PLA1A: variants seen among roughly 807,000 people sequenced by gnomAD.
PLA1A encodes phospholipase A1 member A, also known as phosphatidylserine-specific phospholipase A1alpha.
PLA1A carries 47 observed loss-of-function variants against 49.4 expected under a neutral mutation model. The ratio of observed to expected loss-of-function variants is 0.95; its 90% CI spans 0.75 to 1.21. The LOEUF is 1.21. Ranked by LOEUF, PLA1A falls within the 50% of genes most tolerant of loss-of-function variation. The pLI is 0.00. For synonymous variants in PLA1A, 224 were observed against 207.9 expected, an observed-to-expected ratio of 1.08 and a Z score of -0.67; for missense variants, 561 against 563.9, an observed-to-expected ratio of 0.99 and a Z score of 0.05.
intron 1 of PLA1A, chr3:119,600,266 A>G (rs2082599912): frequency 1.6e-6 from 1 of 636,314 alleles, no homozygotes; most frequent in South Asian, 1.8e-5. Flanking sequence ...TTTCATGACA[A>G]CCCCAGTCAC....
At chr3:119,623,685 G>A (rs1219935686) in intron 8 of PLA1A, among the ~76,000 whole-genome samples, 4 of 149,168 alleles carry the variant, frequency 2.7e-5, no homozygotes, top group South Asian at 2.1e-4. Context: ...GAGCAGGGCC[G>A]TTGCTGTATT....
chr3:119,619,931 G>C, intron 8 of PLA1A: 1 of 466,620 alleles, frequency 2.1e-6, no homozygotes, highest in South Asian at 1.9e-5. Context: ...TGATGTTTAG[G>C]AGTGTCCTCC....
At chr3:119,623,758 CT>C (rs2082978657) in intron 8 of PLA1A, among the ~76,000 whole-genome samples, 1 of 123,090 alleles carries the variant, frequency 8.1e-6, no homozygotes. Flanking sequence ...GAGTTTCACT[CT>C]TGTCACCCAG....
rs3054091 is a variant in PLA1A at position 119,629,498 on chromosome 3, A to ATTTTT, written c.*42_*46dup. On this transcript the variant is annotated 3_prime_UTR_variant, in exon 11 of 11. Coordinates refer to ENST00000273371, the MANE Select transcript of PLA1A (RefSeq NM_015900.4). The stretch of plus-strand genomic sequence containing the variant: ...ACCTGGGCAGGACACATCTCCCTGC[A>ATTTTT]TTTTTTTTTTTTTTTTGAGAGAGAG... 3,649 of 873,632 alleles carry ATTTTT rather than the reference A, an allele frequency of 4.2e-3. 9 individuals are homozygous for ATTTTT. Among genetic ancestry groups the ATTTTT allele is most frequent in the South Asian group, 9.6e-3 (589 of 61,108 alleles). The allele number at this position is 873,632 out of a possible 1,614,324, so 54.1% of individuals were successfully genotyped here. A position where few individuals can be genotyped will look rare whatever the true frequency, so the allele number is the denominator to read the frequency against.
At chr3:119,622,913 G>A (rs894855587) in intron 8 of PLA1A, among the ~76,000 whole-genome samples, 5 of 151,714 alleles carry the variant, frequency 3.3e-5, no homozygotes, top group African/African-American at 9.7e-5. Flanking sequence ...TGCAACCTCC[G>A]CCTCTTGGGT....
intron 8 of PLA1A, 27 bp downstream of exon 8, chr3:119,619,679 A>C: frequency 3.4e-6 from 5 of 1,470,636 alleles, no homozygotes; most frequent in Non-Finnish European, 4.8e-6. Context: ...GCATGAGCTC[A>C]GCTCTGCCAG....
chr3:119,625,065 T>G, intron 8 of PLA1A, 59 bp from the exon 9 acceptor site: 1 of 1,022,660 alleles, frequency 9.8e-7, no homozygotes, highest in South Asian at 1.3e-5. Flanking sequence ...CTCTCTGGGG[T>G]TTTTGCCCAT....
At chr3:119,622,993 A>C (rs938808886) in intron 8 of PLA1A, among the ~76,000 whole-genome samples, 2 of 151,210 alleles carry the variant, frequency 1.3e-5, no homozygotes, top group Non-Finnish European at 2.9e-5. Flanking sequence ...CACCCTGCTA[A>C]TTTTTTTGTA....
chr3:119,625,434 G>T (rs552726548), intron 9 of PLA1A, among the ~76,000 whole-genome samples: 18 of 152,300 alleles, frequency 1.2e-4, no homozygotes, highest in Admixed American at 9.8e-4. Flanking sequence ...AAGTATAGCA[G>T]ATTCAGATGA....
At chr3:119,604,601 G>A (rs919581050) in intron 1 of PLA1A, among the ~76,000 whole-genome samples, 6 of 152,108 alleles carry the variant, frequency 3.9e-5, no homozygotes, top group Non-Finnish European at 7.4e-5. Flanking sequence ...GGCTCTCAGA[G>A]GCTGAGAAGG....
intron 9 of PLA1A, 68 bp downstream of exon 9, chr3:119,625,300 T>G (rs932502434): frequency 3.0e-6 from 3 of 998,504 alleles, no homozygotes; most frequent in Admixed American, 3.7e-5. Flanking sequence ...TTTACACACA[T>G]GGACATCCCA....
rs115114323 is a variant in PLA1A at position 119,618,071 on chromosome 3, C to T, written c.807C>T (p.Ser269=). Residue 269 remains serine (S), a synonymous_variant, in exon 7 of 11, where the codon AGC becomes AGT. Coordinates refer to ENST00000273371, the MANE Select transcript of PLA1A (RefSeq NM_015900.4). ...DHMRAVHLYI[S]ALENSCPLMA... The stretch of plus-strand genomic sequence containing the variant: ...TGAGGGCTGTGCACCTCTACATCAG[C>T]GCCCTGGAGAATTCCTGTCCACTGA... The T allele has an allele frequency of 1.3e-3, 2,130 of 1,613,636 alleles. 19 individuals carry two copies. The African/African-American group carries it at 0.024, about 18-fold the overall frequency.
intron 8 of PLA1A, chr3:119,620,207 C>T (rs1877594): frequency 0.48 from 218,087 of 454,088 alleles, 55,087 homozygotes; most frequent in East Asian, 0.89. Flanking sequence ...CAAGCTAAAC[C>T]GTCATCCTTC....
chr3:119,604,267 G>A (rs979592374), intron 1 of PLA1A, among the ~76,000 whole-genome samples: 2 of 152,068 alleles, frequency 1.3e-5, no homozygotes, highest in African/African-American at 4.8e-5. Context: ...CCAAAAGAAA[G>A]GAAAGGAAGT....
intron 2 of PLA1A, among the ~76,000 whole-genome samples, chr3:119,608,246 A>G (rs1162827434): frequency 2.5e-4 from 11 of 43,774 alleles, no homozygotes; most frequent in African/African-American, 6.5e-4. Flanking sequence ...GAAAGAGAGA[A>G]AGAAAGAAAG....
intron 9 of PLA1A, 58 bp from the exon 10 acceptor site, chr3:119,628,643 G>T: frequency 1.3e-6 from 2 of 1,529,794 alleles, no homozygotes; most frequent in Non-Finnish European, 1.8e-6. Flanking sequence ...GAGCCAAAGG[G>T]GAAGTACAGG....
chr3:119,607,008 C>G (rs1317250412), intron 2 of PLA1A, 33 bp downstream of exon 2: 1 of 1,527,718 alleles, frequency 6.5e-7, no homozygotes, highest in East Asian at 2.3e-5. Context: ...GACTTCTCAA[C>G]TAAGAATGAT....
chr3:119,618,601 G>T (rs372872869), intron 7 of PLA1A, among the ~76,000 whole-genome samples: 1 of 152,210 alleles, frequency 6.6e-6, no homozygotes, highest in East Asian at 1.9e-4. Context: ...CGGATATTCT[G>T]GTGGCCTCGT....
At chr3:119,626,301 G>A (rs112475761) in intron 9 of PLA1A, among the ~76,000 whole-genome samples, 1 of 152,174 alleles carries the variant, frequency 6.6e-6, no homozygotes, top group African/African-American at 2.4e-5. Flanking sequence ...GTTGGTGGGG[G>A]AACCTGCAGG....
Sources: allele counts gnomAD v4.1 joint callset (sites outside exome capture counted in the v4.1 genomes callset), GRCh38; gene constraint gnomAD v4.1.1; transcripts MANE v1.5; gene names NCBI Gene and HGNC (gene_info 2026-07-23, HGNC 2026-07-21).